MYOF: variants seen among roughly 807,000 people sequenced by gnomAD.
MYOF encodes the protein myoferlin.
A neutral mutation model predicts 284.2 loss-of-function variants in MYOF; 244 were observed. The ratio of observed to expected loss-of-function variants is 0.86; its 90% CI spans 0.77 to 0.95. The LOEUF (loss-of-function observed/expected upper bound fraction) is 0.95, where lower values mean the gene tolerates loss of function less well. Ranked by LOEUF, MYOF falls within the 40% of genes least tolerant of loss-of-function variation. The pLI, the probability that MYOF is intolerant of heterozygous loss-of-function variation, is 0.00. For synonymous variants in MYOF, 904 were observed against 919.7 expected, an observed-to-expected ratio of 0.98 and a Z score of 0.31; for missense variants, 2,496 against 2,560.6, an observed-to-expected ratio of 0.97 and a Z score of 0.54.
At chr10:93,373,377 A>C (rs1037878059) in intron 23 of MYOF, among the ~76,000 whole-genome samples, 1 of 152,146 alleles carries the variant, frequency 6.6e-6, no homozygotes, top group Non-Finnish European at 1.5e-5. Context: ...AAAATATTCC[A>C]TCTTATCTCA....
intron 4 of MYOF, among the ~76,000 whole-genome samples, chr10:93,429,896 C>G (rs1174485947): frequency 6.6e-6 from 1 of 151,584 alleles, no homozygotes. Flanking sequence ...AAAGAGAATT[C>G]TGGTCTTGCA....
At chr10:93,359,340 T>C (rs891506249) in intron 29 of MYOF, among the ~76,000 whole-genome samples, 1 of 128,804 alleles carries the variant, frequency 7.8e-6, no homozygotes, top group Non-Finnish European at 1.6e-5. Context: ...TATTGAGTGT[T>C]ACTGTTCTAT....
chr10:93,469,903 T>C (rs989675406), intron 1 of MYOF, among the ~76,000 whole-genome samples: 4 of 152,170 alleles, frequency 2.6e-5, no homozygotes, highest in African/African-American at 7.2e-5. Context: ...AGGACTTCTT[T>C]CTTATTTTTA....
At chr10:93,351,062 G>A in intron 35 of MYOF, 135 bp downstream of exon 35, 4 of 941,906 alleles carry the variant, frequency 4.2e-6, no homozygotes, top group Non-Finnish European at 6.6e-6. Context: ...AATACCTCCA[G>A]TTTTTGGACA....
rs1844521606 is a variant in MYOF at position 93,351,669 on chromosome 10, T to TG, written c.3658dup (p.Gln1220ProfsTer6). 1 of 1,587,190 alleles carries TG rather than the reference T, an allele frequency of 6.3e-7. No homozygotes were observed. The highest frequency in any genetic ancestry group is 8.6e-7 in the Non-Finnish European group (1 of 1,168,140). On this transcript the variant is annotated frameshift_variant, in exon 33 of 54. Coordinates refer to ENST00000359263, the MANE Select transcript of MYOF (RefSeq NM_013451.4). LOFTEE classifies it high-confidence loss of function. ...TAGAAATTCTAAACGACCTACCACT[T>TG]GGTCATTGTCAAAAAGTTCCATGAT...
At chr10:93,364,378 G>C (rs1284242965) in intron 26 of MYOF, among the ~76,000 whole-genome samples, 3 of 152,240 alleles carry the variant, frequency 2.0e-5, no homozygotes, top group Non-Finnish European at 4.4e-5. Context: ...GCTTCTTACA[G>C]AGACCACAGA....
intron 5 of MYOF, among the ~76,000 whole-genome samples, chr10:93,421,911 G>A (rs1469737818): frequency 2.0e-5 from 3 of 151,712 alleles, no homozygotes; most frequent in Non-Finnish European, 4.4e-5. Flanking sequence ...GAAACATCTA[G>A]ATAGTCGAGG....
chr10:93,378,362 T>C (rs982474667), intron 21 of MYOF, among the ~76,000 whole-genome samples: 1 of 152,160 alleles, frequency 6.6e-6, no homozygotes, highest in East Asian at 1.9e-4. Flanking sequence ...GTGCAACTAA[T>C]TCTCCACAAA....
intron 38 of MYOF, among the ~76,000 whole-genome samples, chr10:93,341,285 T>G (rs893639024): frequency 2.0e-5 from 3 of 151,992 alleles, no homozygotes; most frequent in Admixed American, 6.6e-5. Flanking sequence ...AAAGGCTTTT[T>G]TTTTTTTCAG....
intron 16 of MYOF, among the ~76,000 whole-genome samples, chr10:93,393,389 G>A (rs1846796452): frequency 6.6e-6 from 1 of 152,212 alleles, no homozygotes; most frequent in Admixed American, 6.5e-5. Context: ...TTGATTGAAA[G>A]CATGGTTTGT....
rs770847263 is a variant in MYOF, at chr10:93,369,777, C to T, written c.2458-1G>A. On this transcript the variant is annotated splice_acceptor_variant, in intron 24 of 53. Coordinates refer to ENST00000359263, the MANE Select transcript of MYOF (RefSeq NM_013451.4). LOFTEE classifies it high-confidence loss of function. ...GCCCGTTGTTTTTCTCCTGTGGATA[C>T]TGTGAGATGAACAATAGCATGTGAT... is the stretch of plus-strand genomic sequence containing the variant. 6.2e-6 allele frequency: 10 copies of T among 1,614,038 alleles called. No individual in the cohort carries two copies. The East Asian group carries it at 2.2e-4, about 36-fold the overall frequency.
chr10:93,348,666 C>T (rs189425070), intron 36 of MYOF, among the ~76,000 whole-genome samples: 6 of 145,298 alleles, frequency 4.1e-5, no homozygotes, highest in East Asian at 4.2e-4. Context: ...CGCCGTCTGT[C>T]GCATGATAGG....
intron 5 of MYOF, among the ~76,000 whole-genome samples, chr10:93,415,988 A>C (rs1317747470): frequency 6.6e-6 from 1 of 152,132 alleles, no homozygotes; most frequent in Non-Finnish European, 1.5e-5. Flanking sequence ...TCTGATTCTC[A>C]TGCTTCTTCC....
chr10:93,310,014 T>TC lies in MYOF; in HGVS notation c.6147+5dup. 2 of 1,613,850 alleles carry TC rather than the reference T, an allele frequency of 1.2e-6. No individual in the cohort carries two copies. The highest frequency in any genetic ancestry group is 1.7e-6 in the Non-Finnish European group (2 of 1,179,982). On this transcript the variant is annotated splice_donor_region_variant and intron_variant, in intron 53 of 53. Transcript: ENST00000359263. ...CCAAGACAAGGGGCCAAGGAAGGGC[T>TC]CCTACCGGCAAAGAGTAGAGGAGCA...
At chr10:93,454,423 C>G (rs886667657) in intron 2 of MYOF, among the ~76,000 whole-genome samples, 11 of 152,170 alleles carry the variant, frequency 7.2e-5, no homozygotes, top group Non-Finnish European at 1.3e-4. Flanking sequence ...GGTCACGTGG[C>G]TTGATCTCAA....
intron 3 of MYOF, among the ~76,000 whole-genome samples, chr10:93,449,557 T>A (rs1481968958): frequency 1.3e-5 from 2 of 152,154 alleles, no homozygotes; most frequent in African/African-American, 2.4e-5. Context: ...TAAATAATCA[T>A]ATAATAGTTC....
chr10:93,316,768 T>C lies in MYOF; in HGVS notation c.5644A>G (p.Arg1882Gly). Residue 1882 changes from arginine to glycine, a missense_variant, in exon 50 of 54, where the codon AGG (arginine) becomes GGG (glycine). Transcript: ENST00000359263. The stretch of plus-strand genomic sequence containing the variant: ...TTGTCCCATATCTGAATGATCAGCC[T>C]GGGTGGGATTCGAAATTCCGTTTGG... ...IDQTEFRIPPRLIIQIWDNDK... is the reference protein window; with the variant it reads ...IDQTEFRIPPGLIIQIWDNDK... 5 of 1,614,022 alleles carry C rather than the reference T, an allele frequency of 3.1e-6. No individual in the cohort carries two copies. Among genetic ancestry groups the C allele is most frequent in the Non-Finnish European group, 4.2e-6 (5 of 1,179,950 alleles).
intron 10 of MYOF, 81 bp downstream of exon 10, chr10:93,402,779 T>C: frequency 7.5e-7 from 1 of 1,327,890 alleles, no homozygotes; most frequent in Non-Finnish European, 1.1e-6. Context: ...CCCCCCCAAA[T>C]TGTCTTGATT....
At chr10:93,318,597 A>G (rs7920334) in intron 49 of MYOF, among the ~76,000 whole-genome samples, 3,501 of 152,104 alleles carry the variant, frequency 0.023, 140 homozygotes, top group African/African-American at 0.081. Flanking sequence ...CGTCTCTACT[A>G]AAAGTACAAA....
Sources: gnomAD v4.1 joint callset for allele counts (sites outside exome capture counted in the v4.1 genomes callset) on GRCh38, gnomAD v4.1.1 for gene constraint, MANE v1.5 for transcripts, NCBI Gene and HGNC (gene_info 2026-07-23, HGNC 2026-07-21) for gene names.